The following NXPE4 variants were observed in gnomAD, a reference collection of about 807,000 sequenced individuals.
NXPE4 encodes the protein NXPE family member 4.
Under a neutral mutation model 33.3 loss-of-function variants are expected in NXPE4, and 42 were observed. That is an observed-to-expected ratio of 1.26 (90% CI 0.98 to 1.63). The LOEUF is 1.63. Ranked by LOEUF, NXPE4 falls within the 40% of genes most tolerant of loss-of-function variation. The pLI is 0.00. For missense variants in NXPE4, 709 were observed against 647.6 expected (o/e 1.09, Z -1.03); for synonymous variants, 253 against 234.9 (o/e 1.08, Z -0.71).
chr11:114,636,732 T>C, the NXPE4 span, among the ~76,000 whole-genome samples: 1 of 152,164 alleles, frequency 6.6e-6, no homozygotes, highest in African/African-American at 2.4e-5. Flanking sequence ...CCAGCAGTCA[T>C]TCAGGAGCAG....
the NXPE4 span, among the ~76,000 whole-genome samples, chr11:114,657,095 AAAAC>A: frequency 3.9e-5 from 6 of 152,176 alleles, no homozygotes; most frequent in Admixed American, 2.6e-4. Context: ...CTCCATCTCA[AAAAC>A]AAACAAACAA....
intron 2 of NXPE4, among the ~76,000 whole-genome samples, chr11:114,586,859 A>G (rs1949312516): frequency 6.6e-6 from 1 of 152,146 alleles, no homozygotes; most frequent in Non-Finnish European, 1.5e-5. Flanking sequence ...CGGTGAAGTA[A>G]TCCTCTTAGG....
chr11:114,625,581 G>T, the NXPE4 span, among the ~76,000 whole-genome samples: 1 of 152,206 alleles, frequency 6.6e-6, no homozygotes, highest in Non-Finnish European at 1.5e-5. Flanking sequence ...TGCCTCGTGG[G>T]TAACCACTGT....
At chr11:114,662,658 G>A in the NXPE4 span, among the ~76,000 whole-genome samples, 1 of 152,118 alleles carries the variant, frequency 6.6e-6, no homozygotes, top group Non-Finnish European at 1.5e-5. Flanking sequence ...CTTGAGGGGA[G>A]GAGAGGGAAG....
At chr11:114,676,726 A>G in the NXPE4 span, among the ~76,000 whole-genome samples, 87 of 152,200 alleles carry the variant, frequency 5.7e-4, no homozygotes, top group South Asian at 0.017. Flanking sequence ...AAATGGAAAT[A>G]CTGTATGATC....
At chr11:114,593,026 A>G (rs2135291497) in intron 2 of NXPE4, among the ~76,000 whole-genome samples, 1 of 152,284 alleles carries the variant, frequency 6.6e-6, no homozygotes, top group East Asian at 1.9e-4. Flanking sequence ...AAACTCAGTT[A>G]CAAAATGAAT....
the NXPE4 span, among the ~76,000 whole-genome samples, chr11:114,602,815 AT>A: frequency 0.16 from 23,590 of 146,050 alleles, 1,991 homozygotes; most frequent in South Asian, 0.21. Context: ...TTACAGAATC[AT>A]ATATAATAAT....
the NXPE4 span, among the ~76,000 whole-genome samples, chr11:114,601,963 TATTATATATTCTG>T: frequency 3.7e-5 from 3 of 81,186 alleles, no homozygotes; most frequent in South Asian, 8.1e-4. Context: ...TAATATTATA[TATTATATATTCTG>T]TTATATATAA....
chr11:114,636,810 G>A, the NXPE4 span, among the ~76,000 whole-genome samples: 2 of 152,082 alleles, frequency 1.3e-5, no homozygotes, highest in African/African-American at 2.4e-5. Context: ...TAGTTTGATT[G>A]CACTGTGGTC....
chr11:114,602,911 A>T, the NXPE4 span, among the ~76,000 whole-genome samples: 2 of 148,930 alleles, frequency 1.3e-5, no homozygotes, highest in Admixed American at 1.4e-4. Context: ...TTACAGAATC[A>T]TATATAATAA....
At chr11:114,616,542 C>A in the NXPE4 span, among the ~76,000 whole-genome samples, 1 of 151,286 alleles carries the variant, frequency 6.6e-6, no homozygotes, top group African/African-American at 2.4e-5. Context: ...CCATTGTTAC[C>A]CAGTGGATAA....
At chr11:114,644,654 T>A in the NXPE4 span, among the ~76,000 whole-genome samples, 1 of 152,170 alleles carries the variant, frequency 6.6e-6, no homozygotes, top group Non-Finnish European at 1.5e-5. Context: ...TATTATGTCA[T>A]GTTTATGAAC....
At chr11:114,625,790 G>C in the NXPE4 span, among the ~76,000 whole-genome samples, 4 of 152,114 alleles carry the variant, frequency 2.6e-5, no homozygotes, top group African/African-American at 9.7e-5. Context: ...GGGAGTGCCA[G>C]ACAGTGGGTG....
At chr11:114,583,405 G>T in intron 2 of NXPE4, 1 of 633,016 alleles carries the variant, frequency 1.6e-6, no homozygotes, top group South Asian at 1.5e-5. Flanking sequence ...ACTGAAAAAT[G>T]GAAACCCATC....
chr11:114,676,428 C>T, the NXPE4 span, among the ~76,000 whole-genome samples: 1 of 151,598 alleles, frequency 6.6e-6, no homozygotes, highest in African/African-American at 2.4e-5. Context: ...AATGAATAAT[C>T]CAATTAGAAA....
chr11:114,629,858 C>T, the NXPE4 span, among the ~76,000 whole-genome samples: 2 of 150,098 alleles, frequency 1.3e-5, no homozygotes, highest in South Asian at 2.1e-4. Context: ...AAAATCACAA[C>T]CATTCTTATA....
intron 2 of NXPE4, among the ~76,000 whole-genome samples, chr11:114,588,804 A>G (rs890757445): frequency 2.0e-5 from 3 of 152,192 alleles, no homozygotes; most frequent in African/African-American, 4.8e-5. Flanking sequence ...AAGCACTAAT[A>G]AAACACACCT....
chr11:114,580,357 G>C lies in NXPE4; in HGVS notation c.893-19C>G, dbSNP rs746844778. The C allele has an allele frequency of 2.5e-6, 4 of 1,606,312 alleles. No homozygotes were observed. The African/African-American group carries it at 4.0e-5, about 16-fold the overall frequency. ...GTTTCTTCTGCCAAAGAATCAATGA[G>C]ATAGGATCTTCCAAAACATCAAATT... On this transcript the variant is annotated intron_variant, in intron 4 of 5. Coordinates refer to ENST00000375478, the MANE Select transcript of NXPE4 (RefSeq NM_001077639.2).
At chr11:114,577,144 CATAA>C (rs1382865184) in intron 5 of NXPE4, among the ~76,000 whole-genome samples, 8 of 131,790 alleles carry the variant, frequency 6.1e-5, no homozygotes, top group African/African-American at 2.3e-4. Flanking sequence ...TATATAATGT[CATAA>C]ATATATATGT....
Sources: allele counts gnomAD v4.1 joint callset (sites outside exome capture counted in the v4.1 genomes callset), GRCh38; gene constraint gnomAD v4.1.1; transcripts MANE v1.5; gene names NCBI Gene and HGNC (gene_info 2026-07-23, HGNC 2026-07-21).